The following CAP2 variants were observed in gnomAD, a reference collection of about 807,000 sequenced individuals.
CAP2 encodes the protein cyclase associated actin cytoskeleton regulatory protein 2.
CAP2 carries 24 observed loss-of-function variants against 57.7 expected under a neutral mutation model. The ratio of observed to expected loss-of-function variants is 0.42; its 90% CI spans 0.30 to 0.58. The LOEUF (loss-of-function observed/expected upper bound fraction) is 0.58, where lower values mean the gene tolerates loss of function less well. CAP2 is among the 20% of genes least tolerant of loss of function. The probability of loss-of-function intolerance (pLI) is 0.22; values close to 1 mark genes in which losing one functional copy is unlikely to be tolerated. For missense variants in CAP2, 501 were observed against 590.3 expected (o/e 0.85, Z 1.57); for synonymous variants, 194 against 207.2 (o/e 0.94, Z 0.55).
At chr6:17,439,682 C>T (rs1001033252) in intron 3 of CAP2, among the ~76,000 whole-genome samples, 17 of 151,514 alleles carry the variant, frequency 1.1e-4, no homozygotes, top group Non-Finnish European at 2.1e-4. Context: ...GAGCACACAA[C>T]CTAGATCCCT....
At chr6:17,538,314 G>T (rs1181973328) in intron 7 of CAP2, among the ~76,000 whole-genome samples, 1 of 151,898 alleles carries the variant, frequency 6.6e-6, no homozygotes, top group Non-Finnish European at 1.5e-5. Flanking sequence ...AAATTAGCCA[G>T]TTAGAGTGGC....
Position 17,436,082 on chromosome 6 carries a change from T to TTCCTTCCTTCCTTCC in CAP2, c.222+9393_222+9394insCCTTCCTTCCTTCCT, listed in dbSNP as rs1561782653. On this transcript the variant is annotated intron_variant, in intron 3 of 12. Transcript: ENST00000229922. ...AAACTAAGGAATCTTTCTTTCTTTC[T>TTCCTTCCTTCCTTCC]TTCTTTCCTTCCTTCCTTCCTTCCT... 6.4e-3 allele frequency among the ~76,000 whole-genome samples: 497 copies of TTCCTTCCTTCCTTCC among 77,424 alleles called. 2 individuals carry two copies. The highest frequency in any genetic ancestry group is 0.023 in the African/African-American group (450 of 19,174). The allele number at this position is 77,424 out of a possible 152,430, so 50.8% of individuals were successfully genotyped here.
At chr6:17,427,400 G>A (rs963725173) in intron 3 of CAP2, among the ~76,000 whole-genome samples, 4 of 152,096 alleles carry the variant, frequency 2.6e-5, no homozygotes, top group African/African-American at 9.7e-5. Context: ...AAGGTCCCCT[G>A]GCTGAGCTGA....
intron 1 of CAP2, among the ~76,000 whole-genome samples, chr6:17,396,135 C>A (rs1758657862): frequency 6.6e-6 from 1 of 152,072 alleles, no homozygotes; most frequent in Admixed American, 6.5e-5. Flanking sequence ...TGGCTATAAT[C>A]AAAAAGTCAG....
At position 17,539,334 on chromosome 6, in the gene CAP2, C is replaced by A; in HGVS notation, c.702C>A (p.Pro234=). 1 of 1,614,034 alleles carries A rather than the reference C, an allele frequency of 6.2e-7. No homozygotes were observed. The highest frequency in any genetic ancestry group is 8.5e-7 in the Non-Finnish European group (1 of 1,179,882). The stretch of plus-strand genomic sequence containing the variant: ...CCTCTGGGCCTGGCCTTCCTCCACC[C>A]CCTCCTCCTCTGCCTCCTCCAGGGC... ...VLSSGPGLPP[P]PPPLPPPGPP... The change falls in exon 8 of 13, where the codon CCC becomes CCA. Residue 234 remains proline, a synonymous_variant. Transcript: ENST00000229922.
In CAP2 at chr6:17,397,612, G is replaced by A. The variant is rs574985849; in HGVS notation, c.-2+3866G>A. Among the ~76,000 whole-genome samples the A allele has an allele frequency of 3.3e-5, 5 of 149,856 alleles. No homozygotes were observed. In the South Asian group the frequency reaches 6.3e-4, roughly 19 times the overall value. On this transcript the variant is annotated intron_variant, in intron 1 of 12. Transcript: ENST00000229922. ...CGGGAGGCCGAGGCAGGAGAATGGCGTGAACCCGGGAGGCGGGGCTTGCAG... is the reference window on the plus strand; with the variant it reads ...CGGGAGGCCGAGGCAGGAGAATGGCATGAACCCGGGAGGCGGGGCTTGCAG...
At chr6:17,431,786 C>T (rs1759744670) in intron 3 of CAP2, among the ~76,000 whole-genome samples, 1 of 152,034 alleles carries the variant, frequency 6.6e-6, no homozygotes, top group Non-Finnish European at 1.5e-5. Flanking sequence ...TTCTCAGGGC[C>T]TCTGTCTCTC....
At chr6:17,421,195 G>A (rs889326651) in intron 1 of CAP2, among the ~76,000 whole-genome samples, 4 of 152,056 alleles carry the variant, frequency 2.6e-5, no homozygotes, top group East Asian at 3.9e-4. Flanking sequence ...CTATGAGGAC[G>A]CAAAGGCATA....
chr6:17,486,474 C>G (rs1331132234), intron 4 of CAP2, among the ~76,000 whole-genome samples: 1 of 152,054 alleles, frequency 6.6e-6, no homozygotes, highest in Non-Finnish European at 1.5e-5. Flanking sequence ...GGCATGGTGG[C>G]GTGCACCTGT....
chr6:17,413,513 A>C (rs748916116), intron 1 of CAP2, among the ~76,000 whole-genome samples: 2 of 152,162 alleles, frequency 1.3e-5, no homozygotes, highest in Non-Finnish European at 2.9e-5. Context: ...ATGTTTTTTA[A>C]TCAGCCTTAG....
At chr6:17,424,137 C>T (rs1269980103) in intron 2 of CAP2, among the ~76,000 whole-genome samples, 1 of 152,106 alleles carries the variant, frequency 6.6e-6, no homozygotes, top group East Asian at 1.9e-4. Flanking sequence ...CGCAGTGGCT[C>T]ACGCCTGTAA....
At chr6:17,420,411 A>G (rs1043543990) in intron 1 of CAP2, among the ~76,000 whole-genome samples, 2 of 152,230 alleles carry the variant, frequency 1.3e-5, no homozygotes, top group Non-Finnish European at 2.9e-5. Flanking sequence ...ACACCAAAAC[A>G]AACCAATCAG....
chr6:17,548,940 T>C (rs1763112264), intron 11 of CAP2, among the ~76,000 whole-genome samples: 1 of 152,058 alleles, frequency 6.6e-6, no homozygotes, highest in Non-Finnish European at 1.5e-5. Context: ...GATAATAACA[T>C]GTAGAAGAAA....
At position 17,551,508 on chromosome 6, in the gene CAP2, T is replaced by A; in HGVS notation, c.1254T>A (p.Gly418=). The part of the protein sequence containing the change: ...VPTISINKTE[G]CHIYLSEDAL... ...CAATTTCCATTAATAAGACAGAAGG[T>A]TGCCACATATACCTCAGTGAAGATG... The change falls in exon 12 of 13, where the codon GGT becomes GGA. Residue 418 remains glycine (G), a synonymous_variant. Transcript: ENST00000229922. 1 of 1,610,800 alleles carries A rather than the reference T, an allele frequency of 6.2e-7. No homozygotes were observed. Among genetic ancestry groups the A allele is most frequent in the Non-Finnish European group, 8.5e-7 (1 of 1,177,488 alleles).
At chr6:17,514,950 C>T (rs973060998) in intron 7 of CAP2, among the ~76,000 whole-genome samples, 3 of 152,032 alleles carry the variant, frequency 2.0e-5, no homozygotes, top group Non-Finnish European at 2.9e-5. Flanking sequence ...GTAATCCTAG[C>T]ACTTTGGGAG....
In CAP2 at chr6:17,406,412, T is replaced by TTTTTTTTTTTTTTTTTTTTTTTTC. The variant is rs1197104013; in HGVS notation, c.-2+12667_-2+12668insTTTTTTTTTTTTTTTTTTTTTTCT. On this transcript the variant is annotated intron_variant, in intron 1 of 12. Coordinates refer to ENST00000229922, the MANE Select transcript of CAP2 (RefSeq NM_006366.3). ...AGCCCAGATTTCTTTTTTTTTTTTT[T>TTTTTTTTTTTTTTTTTTTTTTTTC]TGAGGCAGTCTCACTCTGTCGCCCA... Among the ~76,000 whole-genome samples the TTTTTTTTTTTTTTTTTTTTTTTTC allele has an allele frequency of 1.8e-3, 238 of 135,220 alleles. 38 individuals are homozygous for TTTTTTTTTTTTTTTTTTTTTTTTC. Among genetic ancestry groups the TTTTTTTTTTTTTTTTTTTTTTTTC allele is most frequent in the African/African-American group, 7.9e-3 (214 of 26,988 alleles). The allele number at this position is 135,220 out of a possible 152,430, so 88.7% of individuals were successfully genotyped here.
chr6:17,405,504 C>G (rs1452597639), intron 1 of CAP2, among the ~76,000 whole-genome samples: 1 of 63,602 alleles, frequency 1.6e-5, no homozygotes, highest in Non-Finnish European at 2.9e-5. Flanking sequence ...TGGAGTCTCT[C>G]TCTCTCTCTC....
intron 3 of CAP2, among the ~76,000 whole-genome samples, chr6:17,434,004 A>G (rs1759809199): frequency 6.6e-6 from 1 of 152,128 alleles, no homozygotes; most frequent in East Asian, 1.9e-4. Context: ...GGCCTGACCA[A>G]CCACAGGATT....
chr6:17,394,174 T>A (rs1454756355), intron 1 of CAP2, among the ~76,000 whole-genome samples: 1 of 133,270 alleles, frequency 7.5e-6, no homozygotes, highest in Admixed American at 7.5e-5. Flanking sequence ...GGGGTGGGGG[T>A]GGGAGTCATT....
Sources: gnomAD v4.1 joint callset for allele counts (sites outside exome capture counted in the v4.1 genomes callset) on GRCh38, gnomAD v4.1.1 for gene constraint, MANE v1.5 for transcripts, NCBI Gene and HGNC (gene_info 2026-07-23, HGNC 2026-07-21) for gene names.